ATP2C1: variants seen among roughly 807,000 people sequenced by gnomAD.
ATP2C1 encodes ATPase secretory pathway Ca2+ transporting 1.
ATP2C1 carries 31 observed loss-of-function variants against 120.5 expected under a neutral mutation model. The ratio of observed to expected loss-of-function variants is 0.26; its 90% CI spans 0.19 to 0.35. The LOEUF (loss-of-function observed/expected upper bound fraction) is 0.35, where lower values mean the gene tolerates loss of function less well. ATP2C1 is among the 10% of genes least tolerant of loss of function. The pLI, the probability that ATP2C1 is intolerant of heterozygous loss-of-function variation, is 1.00. For synonymous variants in ATP2C1, 351 were observed against 358.7 expected (o/e 0.98, Z 0.24); for missense variants, 731 against 1,107.5 (o/e 0.66, Z 4.83).
chr3:130,909,850 T>TTA (rs1227057881), intron 2 of ATP2C1, among the ~76,000 whole-genome samples: 5 of 151,686 alleles, frequency 3.3e-5, no homozygotes, highest in Admixed American at 1.3e-4. Flanking sequence ...GTAGTAGGTT[T>TTA]TATATATATA....
intron 2 of ATP2C1, among the ~76,000 whole-genome samples, chr3:130,897,586 C>T (rs988671942): frequency 6.6e-6 from 1 of 152,124 alleles, no homozygotes; most frequent in East Asian, 1.9e-4. Flanking sequence ...TAGTGTTTCC[C>T]TAGAGCATCA....
intron 1 of ATP2C1, among the ~76,000 whole-genome samples, chr3:130,851,529 C>A (rs1357233993): frequency 6.6e-6 from 1 of 152,128 alleles, no homozygotes; most frequent in Non-Finnish European, 1.5e-5. Context: ...GGAATATAAG[C>A]ATTTTTAAAA....
intron 2 of ATP2C1, among the ~76,000 whole-genome samples, chr3:130,897,892 C>T (rs1468298195): frequency 6.6e-6 from 1 of 152,114 alleles, no homozygotes; most frequent in Non-Finnish European, 1.5e-5. Flanking sequence ...TATCCAGATC[C>T]TTTGGAATTT....
chr3:130,889,847 T>C (rs1269633678), upstream of ATP2C1, among the ~76,000 whole-genome samples: 1 of 152,010 alleles, frequency 6.6e-6, no homozygotes, highest in Non-Finnish European at 1.5e-5. Flanking sequence ...GATCTCACTA[T>C]GTGGTCAAGC....
chr3:130,907,927 G>T (rs1026104321), intron 2 of ATP2C1, among the ~76,000 whole-genome samples: 1 of 151,936 alleles, frequency 6.6e-6, no homozygotes, highest in African/African-American at 2.4e-5. Context: ...CTATGTTTGG[G>T]TGTGACCTTA....
chr3:130,990,470 CGAG>C (rs1194040597), intron 20 of ATP2C1, among the ~76,000 whole-genome samples: 1 of 152,006 alleles, frequency 6.6e-6, no homozygotes, highest in Non-Finnish European at 1.5e-5. Flanking sequence ...TGAGGAACAA[CGAG>C]GAGGCCAATG....
intron 26 of ATP2C1, chr3:131,013,995 G>A: frequency 8.1e-7 from 1 of 1,234,264 alleles, no homozygotes; most frequent in South Asian, 1.5e-5. Flanking sequence ...TTCAAGGGTG[G>A]TAACGGAAGA....
chr3:130,865,289 A>G (rs1249348570), intron 1 of ATP2C1, among the ~76,000 whole-genome samples: 2 of 152,140 alleles, frequency 1.3e-5, no homozygotes, highest in African/African-American at 4.8e-5. Context: ...CATTTACCCA[A>G]TACCTGTACC....
intron 2 of ATP2C1, among the ~76,000 whole-genome samples, chr3:130,917,973 TTC>T (rs1180890109): frequency 3.3e-5 from 5 of 151,910 alleles, no homozygotes; most frequent in Admixed American, 6.6e-5. Context: ...TTTGTAGAAT[TTC>T]TTTTTTTTTT....
Position 130,975,266 on chromosome 3 carries a change from T to C in ATP2C1, c.1414-66T>C, listed in dbSNP as rs3736844. 1,978 of 1,505,994 alleles carry C rather than the reference T, an allele frequency of 1.3e-3. 44 individuals are homozygous for C. In the East Asian group the frequency reaches 0.033, roughly 25 times the overall value. The allele number at this position is 1,505,994 out of a possible 1,614,324, so 93.3% of individuals were successfully genotyped here. A position where few individuals can be genotyped will look rare whatever the true frequency, so the allele number is the denominator to read the frequency against. Reference sequence around the variant, plus strand: ...TATGAGAAATGAATGCCACTTAATTTTGGACTCCAATGGCAGGTAAGTACA... The same window carrying C: ...TATGAGAAATGAATGCCACTTAATTCTGGACTCCAATGGCAGGTAAGTACA... On this transcript the variant is annotated intron_variant, in intron 17 of 27. Coordinates refer to ENST00000510168, the MANE Select transcript of ATP2C1 (RefSeq NM_001378687.1).
chr3:130,891,809 G>A (rs2069178787), upstream of ATP2C1, among the ~76,000 whole-genome samples: 1 of 152,096 alleles, frequency 6.6e-6, no homozygotes, highest in East Asian at 1.9e-4. Context: ...GTATATGTTT[G>A]TCTATACATA....
chr3:130,929,789 C>G (rs1420268697), intron 2 of ATP2C1: 1 of 162,506 alleles, frequency 6.2e-6, no homozygotes, highest in Non-Finnish European at 1.4e-5. Context: ...ACCTTGATTA[C>G]TACTATCTCG....
Position 131,001,726 on chromosome 3 carries a change from G to T in ATP2C1, c.*376G>T. On this transcript the variant is annotated 3_prime_UTR_variant, in exon 28 of 28. Transcript: ENST00000510168. ...ATTTTTAAATATTGTACTATTTATG[G>T]TGGTGGGGCTTTCTTACTAATACAC... The T allele has an allele frequency of 2.1e-6, 2 of 972,604 alleles. No individual in the cohort carries two copies. Among genetic ancestry groups the T allele is most frequent in the African/African-American group, 1.8e-5 (1 of 56,914 alleles). 60.2% of individuals were successfully genotyped at this position (972,604 alleles called of 1,614,324 possible). A position where few individuals can be genotyped will look rare whatever the true frequency, so the allele number is the denominator to read the frequency against.
Position 130,994,100 on chromosome 3 carries a change from T to TAAC in ATP2C1, c.2057+4_2057+5insCAA. On this transcript the variant is annotated splice_region_variant and intron_variant, in intron 22 of 27. Transcript: ENST00000510168. ...GGATGATGATTTTCAAACCATAATG[T>TAAC]AAGCTTTGTTTCAGTGAATGCCTAT... The TAAC allele has an allele frequency of 6.2e-7, 1 of 1,614,076 alleles. No homozygotes were observed.
At chr3:130,978,407 A>G (rs1009170324) in intron 18 of ATP2C1, among the ~76,000 whole-genome samples, 2 of 152,036 alleles carry the variant, frequency 1.3e-5, no homozygotes, top group African/African-American at 4.8e-5. Flanking sequence ...GCATGTTACA[A>G]GTTGTTCAGT....
At chr3:130,939,277 C>T (rs1454659422) in intron 6 of ATP2C1, among the ~76,000 whole-genome samples, 1 of 152,104 alleles carries the variant, frequency 6.6e-6, no homozygotes, top group East Asian at 1.9e-4. Flanking sequence ...TGCTATATTA[C>T]TTGTGTCTTA....
chr3:130,986,395 T>C (rs1213927882), intron 20 of ATP2C1, among the ~76,000 whole-genome samples: 1 of 152,212 alleles, frequency 6.6e-6, no homozygotes, highest in Non-Finnish European at 1.5e-5. Context: ...TTTTATTTGC[T>C]TTCTTCAGTT....
chr3:130,889,857 C>T (rs1467868065), upstream of ATP2C1, among the ~76,000 whole-genome samples: 1 of 151,796 alleles, frequency 6.6e-6, no homozygotes, highest in Non-Finnish European at 1.5e-5. Flanking sequence ...TGTGGTCAAG[C>T]CTGGTCTTGA....
chr3:130,909,629 G>C (rs1219550396), intron 2 of ATP2C1, among the ~76,000 whole-genome samples: 1 of 152,098 alleles, frequency 6.6e-6, no homozygotes, highest in African/African-American at 2.4e-5. Flanking sequence ...TTGTGAAATA[G>C]TCTAGGCTCA....
Sources: gnomAD v4.1 joint callset for allele counts (sites outside exome capture counted in the v4.1 genomes callset) on GRCh38, gnomAD v4.1.1 for gene constraint, MANE v1.5 for transcripts, NCBI Gene and HGNC (gene_info 2026-07-23, HGNC 2026-07-21) for gene names.